EPHA6: variants seen among roughly 807,000 people sequenced by gnomAD.
EPHA6 encodes EPH receptor A6.
EPHA6 carries 50 observed loss-of-function variants against 112.0 expected under a neutral mutation model. The observed-to-expected ratio is 0.45, with a 90% CI of 0.36 to 0.56. EPHA6 has a LOEUF of 0.56. Ranked by LOEUF, EPHA6 falls within the 20% of genes least tolerant of loss-of-function variation. EPHA6 has a pLI of 0.00. For missense variants in EPHA6, 1,280 were observed against 1,417.4 expected, an observed-to-expected ratio of 0.90 and a Z score of 1.56; for synonymous variants, 529 against 490.7, an observed-to-expected ratio of 1.08 and a Z score of -1.03.
intron 3 of EPHA6, among the ~76,000 whole-genome samples, chr3:96,990,686 G>A (rs2043182451): frequency 6.6e-6 from 1 of 152,012 alleles, no homozygotes; most frequent in Admixed American, 6.6e-5. Context: ...GATATATATA[G>A]TGCACTACCA....
At chr3:97,457,759 T>C (rs1247490314) in intron 7 of EPHA6, among the ~76,000 whole-genome samples, 2 of 151,938 alleles carry the variant, frequency 1.3e-5, no homozygotes, top group African/African-American at 4.8e-5. Context: ...CAAAGTCCTG[T>C]ATGAAGAATT....
intron 2 of EPHA6, among the ~76,000 whole-genome samples, chr3:96,920,890 A>C (rs1252854887): frequency 6.6e-6 from 1 of 152,082 alleles, no homozygotes; most frequent in African/African-American, 2.4e-5. Flanking sequence ...AATTTGAAAC[A>C]GTAGTTTATA....
At chr3:97,553,794 G>C (rs943579607) in intron 11 of EPHA6, among the ~76,000 whole-genome samples, 1 of 152,070 alleles carries the variant, frequency 6.6e-6, no homozygotes, top group Non-Finnish European at 1.5e-5. Flanking sequence ...CCTAAGGAAG[G>C]AGAGACTGAC....
chr3:97,408,725 G>A (rs1475812140), intron 6 of EPHA6, among the ~76,000 whole-genome samples: 1 of 151,724 alleles, frequency 6.6e-6, no homozygotes, highest in East Asian at 1.9e-4. Flanking sequence ...CTTTCATAAG[G>A]GCAATAATTC....
chr3:96,857,252 A>G (rs1576158477), intron 1 of EPHA6, among the ~76,000 whole-genome samples: 1 of 152,288 alleles, frequency 6.6e-6, no homozygotes, highest in East Asian at 1.9e-4. Context: ...AGTTCTGATG[A>G]TAAACAATTT....
chr3:96,965,172 T>C (rs2042081125), intron 2 of EPHA6, among the ~76,000 whole-genome samples: 1 of 152,148 alleles, frequency 6.6e-6, no homozygotes, highest in South Asian at 2.1e-4. Flanking sequence ...TCAGTTACTG[T>C]TACAGGAGCA....
At chr3:97,483,533 A>G (rs559865956) in intron 9 of EPHA6, among the ~76,000 whole-genome samples, 1 of 152,336 alleles carries the variant, frequency 6.6e-6, no homozygotes, top group East Asian at 1.9e-4. Context: ...GCCGTAGAGT[A>G]CAAAGAGTCC....
intron 7 of EPHA6, among the ~76,000 whole-genome samples, chr3:97,449,889 T>G (rs900413008): frequency 2.6e-5 from 4 of 152,118 alleles, no homozygotes; most frequent in Non-Finnish European, 4.4e-5. Flanking sequence ...TCAGATTCTA[T>G]GACAGAAGGA....
chr3:97,135,953 G>A (rs1375848576), intron 3 of EPHA6, among the ~76,000 whole-genome samples: 2 of 152,084 alleles, frequency 1.3e-5, no homozygotes, highest in Non-Finnish European at 2.9e-5. Flanking sequence ...TGAGATTGAA[G>A]CCAATATCCA....
chr3:97,639,409 C>T (rs1397536958), intron 14 of EPHA6, among the ~76,000 whole-genome samples: 1 of 151,756 alleles, frequency 6.6e-6, no homozygotes, highest in Non-Finnish European at 1.5e-5. Context: ...AGTTATAGAA[C>T]AACGAATATA....
chr3:96,952,925 C>A (rs1336505273), intron 2 of EPHA6, among the ~76,000 whole-genome samples: 1 of 151,998 alleles, frequency 6.6e-6, no homozygotes, highest in Non-Finnish European at 1.5e-5. Flanking sequence ...AGGCTTAATA[C>A]CTGGGTGATG....
At chr3:97,156,897 G>T (rs1202655116) in intron 3 of EPHA6, among the ~76,000 whole-genome samples, 2 of 151,930 alleles carry the variant, frequency 1.3e-5, no homozygotes, top group African/African-American at 2.4e-5. Context: ...TAAAGGTGAA[G>T]AATTTATATT....
intron 2 of EPHA6, among the ~76,000 whole-genome samples, chr3:96,965,390 T>C (rs2107764855): frequency 6.6e-6 from 1 of 152,264 alleles, no homozygotes. Context: ...GCCTAAAATG[T>C]TACTCTAGTG....
chr3:97,137,846 AAAATAAAAAT>A (rs1290197069), intron 3 of EPHA6, among the ~76,000 whole-genome samples: 2 of 152,150 alleles, frequency 1.3e-5, no homozygotes, highest in Admixed American at 6.5e-5. Context: ...AAGTATAATA[AAAATAAAAAT>A]AAATAAATGT....
At chr3:97,069,351 GGAA>G (rs943353304) in intron 3 of EPHA6, among the ~76,000 whole-genome samples, 2 of 152,254 alleles carry the variant, frequency 1.3e-5, no homozygotes, top group East Asian at 1.9e-4. Flanking sequence ...AGGCTGAGAA[GGAA>G]GAAGAAGAGG....
Position 97,226,206 on chromosome 3 carries a change from A to G in EPHA6, c.1115-58A>G, listed in dbSNP as rs2078350815. ...ATAAATTAAAGTATGTTGTACATGT[A>G]CAAATAAAAGAATCCTAGCAATAAT... On this transcript the variant is annotated intron_variant, in intron 3 of 17. Transcript: ENST00000389672. The G allele has an allele frequency of 2.1e-6, 3 of 1,440,200 alleles. 1 individual carries two copies. The highest frequency in any genetic ancestry group is 4.1e-5 in the Admixed American group (2 of 48,874). The allele number at this position is 1,440,200 out of a possible 1,614,324, so 89.2% of individuals were successfully genotyped here.
At chr3:97,121,857 A>G (rs1489768845) in intron 3 of EPHA6, among the ~76,000 whole-genome samples, 1 of 152,032 alleles carries the variant, frequency 6.6e-6, no homozygotes, top group Non-Finnish European at 1.5e-5. Flanking sequence ...TATATTGAGA[A>G]TATATTGAGG....
intron 2 of EPHA6, among the ~76,000 whole-genome samples, chr3:96,943,550 A>G (rs2041093214): frequency 6.6e-6 from 1 of 152,226 alleles, no homozygotes; most frequent in African/African-American, 2.4e-5. Flanking sequence ...CTGTGAATAG[A>G]AGATGCACAT....
At chr3:96,926,327 G>A (rs1352891381) in intron 2 of EPHA6, among the ~76,000 whole-genome samples, 1 of 152,034 alleles carries the variant, frequency 6.6e-6, no homozygotes, top group Non-Finnish European at 1.5e-5. Context: ...CGACACATGG[G>A]GATTACAATT....
Sources: gnomAD v4.1 joint callset for allele counts (sites outside exome capture counted in the v4.1 genomes callset) on GRCh38, gnomAD v4.1.1 for gene constraint, MANE v1.5 for transcripts, NCBI Gene and HGNC (gene_info 2026-07-23, HGNC 2026-07-21) for gene names.